NBAS: variants seen among roughly 807,000 people sequenced by gnomAD.
NBAS encodes NAG/BC035112 fusion.
NBAS carries 219 observed loss-of-function variants against 302.5 expected under a neutral mutation model. That is an observed-to-expected ratio of 0.72 (90% confidence interval 0.65 to 0.81). The LOEUF (loss-of-function observed/expected upper bound fraction) is 0.81, where lower values mean the gene tolerates loss of function less well. NBAS is among the 30% of genes least tolerant of loss of function. NBAS has a pLI of 0.00. For missense variants in NBAS, 2,932 were observed against 2,841.6 expected, an observed-to-expected ratio of 1.03 and a Z score of -0.72; for synonymous variants, 1,118 against 1,021.6, an observed-to-expected ratio of 1.09 and a Z score of -1.80.
intron 12 of NBAS, among the ~76,000 whole-genome samples, chr2:15,485,195 G>A (rs1031836152): frequency 1.6e-4 from 24 of 151,976 alleles, no homozygotes; most frequent in African/African-American, 5.5e-4. Context: ...GCATATCTGA[G>A]AGAGCTGAAG....
At chr2:15,114,794 T>G in the NBAS span, among the ~76,000 whole-genome samples, 1 of 152,284 alleles carries the variant, frequency 6.6e-6, no homozygotes, top group South Asian at 2.1e-4. Flanking sequence ...ATGCTGCACA[T>G]TTGTTTTTTT....
chr2:15,344,041 G>A (rs947622537), intron 35 of NBAS, among the ~76,000 whole-genome samples: 16 of 141,844 alleles, frequency 1.1e-4, no homozygotes, highest in Non-Finnish European at 2.3e-4. Flanking sequence ...AGCTCAATAA[G>A]ACAAATAACC....
At chr2:15,557,849 T>C (rs1664719056) in intron 2 of NBAS, among the ~76,000 whole-genome samples, 1 of 152,198 alleles carries the variant, frequency 6.6e-6, no homozygotes, top group African/African-American at 2.4e-5. Context: ...TCAGTAAACC[T>C]AGTGCTCAAT....
At chr2:15,524,032 C>A (rs1662802956) in intron 9 of NBAS, among the ~76,000 whole-genome samples, 1 of 152,132 alleles carries the variant, frequency 6.6e-6, no homozygotes, top group Admixed American at 6.6e-5. Context: ...TAGTGTACTT[C>A]TTTCAAATGA....
chr2:14,873,308 G>A, the NBAS span, among the ~76,000 whole-genome samples: 5 of 152,126 alleles, frequency 3.3e-5, no homozygotes, highest in South Asian at 2.1e-4. Context: ...GTCCCCACCC[G>A]ATCCAGAAGC....
rs1680088354 is a variant in NBAS, at chr2:15,474,240, C to T, written c.1426G>A (p.Asp476Asn). 2 of 1,613,960 alleles carry T rather than the reference C, an allele frequency of 1.2e-6. No homozygotes were observed. Among genetic ancestry groups the T allele is most frequent in the Admixed American group, 1.7e-5 (1 of 60,000 alleles). The change falls in exon 15 of 52, where the codon GAT (aspartate) becomes AAT (asparagine). Residue 476 changes from aspartate to asparagine, a missense_variant. Transcript: ENST00000281513. The stretch of plus-strand genomic sequence containing the variant: ...CGAGCCTTGGCAGATATTTCATAAT[C>T]AGAATCAGAATCCTCTTCTCCTTCA... ...EDEGEEDSDSDYEISAKARYF... is the reference protein window; with the variant it reads ...EDEGEEDSDSNYEISAKARYF...
intron 6 of NBAS, among the ~76,000 whole-genome samples, chr2:15,550,524 G>C (rs1013096054): frequency 7.2e-5 from 11 of 151,960 alleles, no homozygotes; most frequent in African/African-American, 2.7e-4. Context: ...ATAAAACATA[G>C]GTAATAGATG....
intron 48 of NBAS, among the ~76,000 whole-genome samples, chr2:15,195,831 G>C (rs946816420): frequency 2.0e-5 from 3 of 152,142 alleles, no homozygotes; most frequent in Non-Finnish European, 4.4e-5. Flanking sequence ...ACACTACACT[G>C]GTAAGAAAAG....
intron 28 of NBAS, among the ~76,000 whole-genome samples, chr2:15,390,024 A>G (rs1014083209): frequency 2.6e-5 from 4 of 152,214 alleles, no homozygotes; most frequent in African/African-American, 9.7e-5. Context: ...ACATAGCAGA[A>G]CTGGAAGAAA....
the NBAS span, among the ~76,000 whole-genome samples, chr2:14,838,577 T>A: frequency 6.6e-6 from 1 of 152,108 alleles, no homozygotes; most frequent in Admixed American, 6.6e-5. Context: ...CTTTGACTAA[T>A]TTTTTATTTA....
rs1394261826 is a variant in NBAS at position 15,542,250 on chromosome 2, G to A, written c.380-2894C>T. Among the ~76,000 whole-genome samples, 314 of 91,138 alleles carry A rather than the reference G, an allele frequency of 3.4e-3. 5 individuals carry two copies. Among genetic ancestry groups the A allele is most frequent in the African/African-American group, 0.012 (299 of 24,230 alleles). The allele number at this position is 91,138 out of a possible 152,430, so 59.8% of individuals were successfully genotyped here. A position where few individuals can be genotyped will look rare whatever the true frequency, so the allele number is the denominator to read the frequency against. On this transcript the variant is annotated intron_variant, in intron 6 of 51. Coordinates refer to ENST00000281513, the MANE Select transcript of NBAS (RefSeq NM_015909.4). Reference sequence around the variant, plus strand: ...TGCCGTGTCTGTGTAGAAAGAAGTAGACATGGGAGACTTTTCATTTTGTTC... The same window carrying A: ...TGCCGTGTCTGTGTAGAAAGAAGTAAACATGGGAGACTTTTCATTTTGTTC...
chr2:15,047,324 T>C, the NBAS span, among the ~76,000 whole-genome samples: 2 of 152,250 alleles, frequency 1.3e-5, no homozygotes, highest in Non-Finnish European at 2.9e-5. Context: ...GCCCATTGGC[T>C]GAGGCAAACC....
At chr2:14,882,434 C>T in the NBAS span, among the ~76,000 whole-genome samples, 1 of 152,148 alleles carries the variant, frequency 6.6e-6, no homozygotes, top group Admixed American at 6.5e-5. Flanking sequence ...TAGGATTCTT[C>T]CCCAAGACAC....
the NBAS span, among the ~76,000 whole-genome samples, chr2:14,880,506 G>A: frequency 2.6e-5 from 4 of 151,722 alleles, no homozygotes; most frequent in African/African-American, 7.3e-5. Context: ...AAACATGAAC[G>A]AACTAAAGAA....
chr2:15,293,651 G>GA (rs5829496), intron 40 of NBAS, among the ~76,000 whole-genome samples: 83,538 of 149,494 alleles, frequency 0.56, 24,933 homozygotes, highest in East Asian at 0.85. Context: ...GCAAATTAGA[G>GA]AAAAAAAAAA....
intron 4 of NBAS, 129 bp from the exon 5 acceptor site, chr2:15,553,602 C>A: frequency 1.2e-6 from 1 of 853,296 alleles, no homozygotes; most frequent in Non-Finnish European, 1.9e-6. Context: ...AATTATCCAT[C>A]TTTTGACCTT....
chr2:14,892,878 CTTTTA>C, the NBAS span, among the ~76,000 whole-genome samples: 1 of 151,950 alleles, frequency 6.6e-6, no homozygotes, highest in Non-Finnish European at 1.5e-5. Context: ...CTCCTATTTC[CTTTTA>C]TTTTATTTTA....
At chr2:15,393,783 C>A (rs1355902314) in intron 28 of NBAS, 2 of 466,496 alleles carry the variant, frequency 4.3e-6, no homozygotes, top group Non-Finnish European at 8.9e-6. Flanking sequence ...AAATAAACTA[C>A]TGATTCATGA....
intron 44 of NBAS, among the ~76,000 whole-genome samples, chr2:15,252,359 G>T (rs370312348): frequency 1.3e-5 from 2 of 152,002 alleles, no homozygotes; most frequent in African/African-American, 4.8e-5. Flanking sequence ...TTAGCCGGGC[G>T]TGGTGGCGCG....
Sources: allele counts gnomAD v4.1 joint callset (sites outside exome capture counted in the v4.1 genomes callset), GRCh38; gene constraint gnomAD v4.1.1; transcripts MANE v1.5; gene names NCBI Gene and HGNC (gene_info 2026-07-23, HGNC 2026-07-21).